Variants in KCNMB2 observed in about 807,000 individuals in gnomAD.
KCNMB2 encodes the protein calcium-activated potassium channel subunit beta-2.
KCNMB2 carries 9 observed loss-of-function variants against 24.5 expected under a neutral mutation model. That is an observed-to-expected ratio of 0.37 (90% CI 0.22 to 0.64). The LOEUF (loss-of-function observed/expected upper bound fraction) is 0.64. KCNMB2 is among the 30% of genes least tolerant of loss of function. The pLI is 0.63. For missense variants in KCNMB2, 226 were observed against 284.3 expected (o/e 0.79, Z 1.47); for synonymous variants, 109 against 104.4 (o/e 1.04, Z -0.27).
intron 1 of KCNMB2, among the ~76,000 whole-genome samples, chr3:178,574,377 C>G (rs1013943464): frequency 6.6e-6 from 1 of 152,196 alleles, no homozygotes; most frequent in African/African-American, 2.4e-5. Flanking sequence ...TTATTCCTTC[C>G]GGACATATCT....
intron 2 of KCNMB2, chr3:178,824,425 T>C (rs1241876779): frequency 6.6e-6 from 1 of 152,254 alleles, no homozygotes; most frequent in Non-Finnish European, 1.5e-5. Flanking sequence ...TGGAGTGCAG[T>C]GGCATGATCT....
At chr3:178,777,308 G>C (rs1432966803) in intron 1 of KCNMB2, among the ~76,000 whole-genome samples, 1 of 151,988 alleles carries the variant, frequency 6.6e-6, no homozygotes, top group Non-Finnish European at 1.5e-5. Flanking sequence ...GATGACGGGC[G>C]CCTGTAATCC....
intron 1 of KCNMB2, among the ~76,000 whole-genome samples, chr3:178,723,964 TTAG>T (rs2108360884): frequency 6.6e-6 from 1 of 152,292 alleles, no homozygotes; most frequent in South Asian, 2.1e-4. Flanking sequence ...AGGTATCATT[TTAG>T]TAGAACTATT....
At chr3:178,786,671 G>A (rs1294955457) in intron 1 of KCNMB2, among the ~76,000 whole-genome samples, 1 of 151,888 alleles carries the variant, frequency 6.6e-6, no homozygotes, top group African/African-American at 2.4e-5. Flanking sequence ...ACACCAACAT[G>A]GCACATGTAT....
At chr3:178,564,215 T>C (rs1466503891) in intron 1 of KCNMB2, among the ~76,000 whole-genome samples, 4 of 151,646 alleles carry the variant, frequency 2.6e-5, no homozygotes, top group African/African-American at 9.7e-5. Flanking sequence ...GAGGCGGAGG[T>C]TGCAGTGAGT....
intron 1 of KCNMB2, among the ~76,000 whole-genome samples, chr3:178,673,030 T>G (rs934909979): frequency 6.6e-6 from 1 of 152,208 alleles, no homozygotes; most frequent in Non-Finnish European, 1.5e-5. Context: ...TTGATCATAC[T>G]ATTCTTTTAT....
intron 1 of KCNMB2, among the ~76,000 whole-genome samples, chr3:178,602,834 T>G (rs1718135086): frequency 6.6e-6 from 1 of 152,182 alleles, no homozygotes; most frequent in Non-Finnish European, 1.5e-5. Context: ...TCTGATGTTA[T>G]AGTGCTGGTG....
At chr3:178,775,569 C>T (rs1560016653) in intron 1 of KCNMB2, among the ~76,000 whole-genome samples, 2 of 152,090 alleles carry the variant, frequency 1.3e-5, no homozygotes, top group African/African-American at 2.4e-5. Context: ...TTTTCTTAAG[C>T]GATAATCACT....
intron 1 of KCNMB2, among the ~76,000 whole-genome samples, chr3:178,538,835 T>A (rs770190682): frequency 6.6e-6 from 1 of 152,144 alleles, no homozygotes; most frequent in African/African-American, 2.4e-5. Context: ...GTCAAAACAA[T>A]CTACTTTATA....
chr3:178,556,197 A>G (rs147610003), intron 1 of KCNMB2, among the ~76,000 whole-genome samples: 1 of 152,310 alleles, frequency 6.6e-6, no homozygotes, highest in African/African-American at 2.4e-5. Flanking sequence ...TGGAGGAAGA[A>G]CATCCAGATG....
rs74641745 is a variant in KCNMB2, at chr3:178,630,993, T to C, written c.-68+94282T>C. 7.2e-3 allele frequency among the ~76,000 whole-genome samples: 1,089 copies of C among 152,288 alleles called. 12 individuals are homozygous for C. Among genetic ancestry groups the C allele is most frequent in the African/African-American group, 0.025 (1,054 of 41,554 alleles). ...CCTTATTTTTCAGTAGTTTCGAATA[T>C]GTTAGGCATTATTTACAAGCAAAGA... is the stretch of plus-strand genomic sequence containing the variant. On this transcript the variant is annotated intron_variant, in intron 1 of 4. Coordinates refer to ENST00000452583, the MANE Select transcript of KCNMB2 (RefSeq NM_181361.3).
At chr3:178,594,643 G>A (rs1717799292) in intron 1 of KCNMB2, among the ~76,000 whole-genome samples, 1 of 152,098 alleles carries the variant, frequency 6.6e-6, no homozygotes, top group African/African-American at 2.4e-5. Context: ...CTCAAGTCAG[G>A]ATGCCTTGTA....
At chr3:178,725,001 T>A (rs1355926104) in intron 1 of KCNMB2, among the ~76,000 whole-genome samples, 1 of 152,124 alleles carries the variant, frequency 6.6e-6, no homozygotes, top group East Asian at 1.9e-4. Context: ...ATTCAGACTC[T>A]TTTTTGGTGA....
chr3:178,733,745 C>T (rs146643332), intron 1 of KCNMB2, among the ~76,000 whole-genome samples: 4 of 152,262 alleles, frequency 2.6e-5, no homozygotes, highest in African/African-American at 9.6e-5. Flanking sequence ...CCCCAAAGTG[C>T]TGGGATTACA....
rs943314499 is a variant in KCNMB2, at chr3:178,647,764, G to A, written c.-68+111053G>A. Among the ~76,000 whole-genome samples, 4 of 152,108 alleles carry A rather than the reference G, an allele frequency of 2.6e-5. No homozygotes were observed. In the South Asian group the frequency reaches 8.3e-4, roughly 32 times the overall value. ...TCATGGTCCAGCAGTAATGTTTTAG[G>A]TTGCTGGGATATAGAAAAGAGCAAC... On this transcript the variant is annotated intron_variant, in intron 1 of 4. Transcript: ENST00000452583.
intron 1 of KCNMB2, among the ~76,000 whole-genome samples, chr3:178,786,436 G>T (rs1341888833): frequency 6.6e-6 from 1 of 152,152 alleles, no homozygotes; most frequent in African/African-American, 2.4e-5. Context: ...GGAATAGGGT[G>T]AGGAAGAAAT....
At chr3:178,540,407 T>G (rs1352613091) in intron 1 of KCNMB2, among the ~76,000 whole-genome samples, 2 of 152,220 alleles carry the variant, frequency 1.3e-5, no homozygotes, top group Admixed American at 6.5e-5. Context: ...CTGGTGGTCA[T>G]TTCAATATTG....
At chr3:178,610,660 G>T (rs2108515799) in intron 1 of KCNMB2, among the ~76,000 whole-genome samples, 1 of 152,292 alleles carries the variant, frequency 6.6e-6, no homozygotes, top group East Asian at 1.9e-4. Flanking sequence ...GAGTCTCAAA[G>T]TTTTTCCAAA....
At chr3:178,763,247 A>AT (rs1241364448) in intron 1 of KCNMB2, among the ~76,000 whole-genome samples, 1 of 152,198 alleles carries the variant, frequency 6.6e-6, no homozygotes, top group African/African-American at 2.4e-5. Context: ...ATGTATAGTC[A>AT]TTCTTTAATA....
Sources: allele counts gnomAD v4.1 joint callset (sites outside exome capture counted in the v4.1 genomes callset), GRCh38; gene constraint gnomAD v4.1.1; transcripts MANE v1.5; gene names NCBI Gene and HGNC (gene_info 2026-07-23, HGNC 2026-07-21).